Variants in PCDH19 observed in about 807,000 individuals in gnomAD.
PCDH19 encodes the protein protocadherin 19.
A neutral mutation model predicts 46.2 loss-of-function variants in PCDH19; 6 were observed. The observed-to-expected ratio is 0.13, with a 90% CI of 0.07 to 0.26. The LOEUF (loss-of-function observed/expected upper bound fraction) is 0.26. Among genes scored for constraint, PCDH19 ranks in the 10% least tolerant of loss-of-function variants. The pLI is 1.00. For missense variants in PCDH19, 740 were observed against 972.3 expected (o/e 0.76, Z 3.18); for synonymous variants, 481 against 415.7 (o/e 1.16, Z -1.91).
chrX:100,366,732 T>C lies in PCDH19; in HGVS notation c.2617-16028A>G, dbSNP rs116173557. ...CAATAAGTATGTTAATTGCACATCA[T>C]TCTTATTTATTCATTAAAACAAGTC... On this transcript the variant is annotated intron_variant, in intron 3 of 5. Transcript: ENST00000373034. 5.3e-3 allele frequency among the ~76,000 whole-genome samples: 596 copies of C among 112,702 alleles called. 3 individuals are homozygous for C. Among genetic ancestry groups the C allele is most frequent in the African/African-American group, 0.018 (571 of 31,065 alleles).
chrX:100,403,714 G>A (rs191995151), intron 1 of PCDH19, 50 bp from the exon 2 acceptor site: 181 of 1,095,152 alleles, frequency 1.7e-4, no homozygotes, highest in Admixed American at 1.4e-3. Flanking sequence ...CTCCATTCAG[G>A]TGTACCTACA....
In PCDH19 at chrX:100,409,646, G is replaced by T; in HGVS notation, c.-1049C>A. On this transcript the variant is annotated 5_prime_UTR_variant, in exon 1 of 6. Coordinates refer to ENST00000373034, the MANE Select transcript of PCDH19 (RefSeq NM_001184880.2). Reference sequence around the variant, plus strand: ...AACAGTACCGGCCAGGAGAGGCGGGGCCGCCGCCGTGGGTACCGGGTGCTT... The same window carrying T: ...AACAGTACCGGCCAGGAGAGGCGGGTCCGCCGCCGTGGGTACCGGGTGCTT... 5.1e-6 allele frequency: 1 copy of T among 196,332 alleles called. No individual in the cohort carries two copies. The highest frequency in any genetic ancestry group is 9.1e-6 in the Non-Finnish European group (1 of 109,846). 16.2% of individuals were successfully genotyped at this position (196,332 alleles called of 1,213,427 possible).
intron 5 of PCDH19, among the ~76,000 whole-genome samples, chrX:100,341,367 G>A (rs1926247482): frequency 9.0e-6 from 1 of 111,601 alleles, no homozygotes; most frequent in Non-Finnish European, 1.9e-5. Context: ...TAGAGGGAGG[G>A]ATTTGGCATA....
chrX:100,309,784 A>T (rs1264965696), intron 5 of PCDH19, among the ~76,000 whole-genome samples: 1 of 112,089 alleles, frequency 8.9e-6, no homozygotes, highest in African/African-American at 3.2e-5. Flanking sequence ...CAGAAGAAAA[A>T]AGGCCAGCCC....
intron 5 of PCDH19, among the ~76,000 whole-genome samples, chrX:100,318,018 A>G (rs1925364517): frequency 8.9e-6 from 1 of 112,126 alleles, no homozygotes; most frequent in East Asian, 2.8e-4. Flanking sequence ...TACTGGAGCA[A>G]CTCAAGACTT....
At position 100,408,577 on chromosome X, in the gene PCDH19, C is replaced by T. The variant is rs1345525424; in HGVS notation, c.21G>A (p.Pro7=). 3.4e-6 allele frequency: 4 copies of T among 1,176,102 alleles called. No individual in the cohort carries two copies. Among genetic ancestry groups the T allele is most frequent in the Non-Finnish European group, 4.5e-6 (4 of 883,329 alleles). ...ACAGTATGGCCAGCAGCAGCAGCACCGGCAGCAGGAGCGACTCCATGGCTG... is the reference window on the plus strand; with the variant it reads ...ACAGTATGGCCAGCAGCAGCAGCACTGGCAGCAGGAGCGACTCCATGGCTG... MESLLL[P]VLLLLAILWT... The change falls in exon 1 of 6, where the codon CCG becomes CCA. Residue 7 remains proline, a synonymous_variant. Coordinates refer to ENST00000373034, the MANE Select transcript of PCDH19 (RefSeq NM_001184880.2).
intron 3 of PCDH19, among the ~76,000 whole-genome samples, chrX:100,395,443 C>T (rs1928001839): frequency 8.9e-6 from 1 of 112,384 alleles, no homozygotes. Context: ...CTAGAGAGTC[C>T]TGTCAGGTTT....
At position 100,296,449 on chromosome X, in the gene PCDH19, C is replaced by T. The variant is rs781340695; in HGVS notation, c.3275G>A (p.Arg1092His). The T allele has an allele frequency of 8.3e-6, 10 of 1,209,230 alleles. No homozygotes were observed. In the East Asian group the frequency reaches 1.2e-4, roughly 14 times the overall value. The change falls in exon 6 of 6, where the codon CGT (arginine) becomes CAT (histidine). Residue 1092 changes from arginine (R) to histidine (H), a missense_variant. Arg to His is a conservative substitution (Grantham distance 29). Coordinates refer to ENST00000373034, the MANE Select transcript of PCDH19 (RefSeq NM_001184880.2). ...ATTGTTGACATACTGCTCCAGATCA[C>T]GGGCTGGGGGAGCCAGGGCAATGGT... ...SYTIALAPPARDLEQYVNNVN... is the reference protein window; with the variant it reads ...SYTIALAPPAHDLEQYVNNVN...
intron 3 of PCDH19, among the ~76,000 whole-genome samples, chrX:100,397,563 A>G (rs925214201): frequency 7.1e-5 from 8 of 112,290 alleles, no homozygotes; most frequent in Admixed American, 2.8e-4. Context: ...ACTCCCTTAC[A>G]GCTGTCAGCT....
chrX:100,296,687 G>T lies in PCDH19; in HGVS notation c.3037C>A (p.Arg1013=), dbSNP rs376406896. ...TCTTTCCCAAAGGTTGCGAAAGTCC[G>T]TTTGGTGGGGCCGCAGTCGTCATAA... ...EAYDDCGPTK[R]TFATFGKDVS... The change falls in exon 6 of 6, where the codon CGG becomes AGG. Residue 1013 remains arginine (R), a synonymous_variant. Transcript: ENST00000373034. 1.9e-5 allele frequency: 23 copies of T among 1,209,381 alleles called. No individual in the cohort carries two copies. The African/African-American group carries it at 3.5e-4, about 18-fold the overall frequency.
intron 1 of PCDH19, among the ~76,000 whole-genome samples, chrX:100,404,360 T>C (rs756833613): frequency 1.8e-5 from 2 of 112,076 alleles, no homozygotes; most frequent in Non-Finnish European, 3.8e-5. Context: ...AAAACCCTAG[T>C]ACTAAGGTTG....
At chrX:100,403,804 AC>A in intron 1 of PCDH19, 140 bp from the exon 2 acceptor site, 1 of 452,526 alleles carries the variant, frequency 2.2e-6, no homozygotes, top group Non-Finnish European at 3.7e-6. Flanking sequence ...CACCAAAGAC[AC>A]CAGGCATTAA....
At chrX:100,304,709 T>C (rs950825932) in intron 5 of PCDH19, among the ~76,000 whole-genome samples, 4 of 111,306 alleles carry the variant, frequency 3.6e-5, no homozygotes, top group East Asian at 5.7e-4. Context: ...TTCAGGGAAA[T>C]AGATAGCATA....
At chrX:100,336,667 A>G (rs183099220) in intron 5 of PCDH19, among the ~76,000 whole-genome samples, 1,158 of 112,491 alleles carry the variant, frequency 0.01, 2 homozygotes, top group Non-Finnish European at 0.017. Flanking sequence ...ATCTTACAAA[A>G]AAATTCTGTA....
chrX:100,355,626 C>T (rs1442786849), intron 3 of PCDH19, among the ~76,000 whole-genome samples: 1 of 111,721 alleles, frequency 9.0e-6, no homozygotes, highest in Non-Finnish European at 1.9e-5. Flanking sequence ...GGGGAAATCA[C>T]ATGATCTTTA....
chrX:100,402,103 G>A (rs962384030), intron 3 of PCDH19, among the ~76,000 whole-genome samples: 6 of 111,969 alleles, frequency 5.4e-5, no homozygotes, highest in African/African-American at 1.6e-4. Flanking sequence ...TTAGGAGGCT[G>A]AATCACTCTC....
chrX:100,314,825 A>T (rs1472864549), intron 5 of PCDH19, among the ~76,000 whole-genome samples: 3 of 112,066 alleles, frequency 2.7e-5, no homozygotes, highest in Non-Finnish European at 5.6e-5. Flanking sequence ...TTTTATTCCA[A>T]CTTATAAATA....
intron 5 of PCDH19, among the ~76,000 whole-genome samples, chrX:100,329,736 C>T (rs1036490765): frequency 2.2e-4 from 24 of 109,531 alleles, no homozygotes; most frequent in African/African-American, 7.6e-4. Flanking sequence ...AGCGAAACCC[C>T]GTCTCTACTA....
intron 4 of PCDH19, among the ~76,000 whole-genome samples, chrX:100,349,894 T>A (rs1023036240): frequency 1.3e-4 from 15 of 112,645 alleles, no homozygotes; most frequent in African/African-American, 4.8e-4. Flanking sequence ...TGCAGCCCAC[T>A]GCACCAGATG....
Sources: allele counts gnomAD v4.1 joint callset (sites outside exome capture counted in the v4.1 genomes callset), GRCh38; gene constraint gnomAD v4.1.1; transcripts MANE v1.5; gene names NCBI Gene and HGNC (gene_info 2026-07-23, HGNC 2026-07-21).